The following SEMA5A variants were observed in gnomAD, a reference collection of about 807,000 sequenced individuals.
SEMA5A encodes the protein semaphorin-5A.
A neutral mutation model predicts 135.5 loss-of-function variants in SEMA5A; 55 were observed. The ratio of observed to expected loss-of-function variants is 0.41; its 90% CI spans 0.33 to 0.51. SEMA5A has a LOEUF of 0.51. SEMA5A is among the 20% of genes least tolerant of loss of function. SEMA5A has a pLI of 0.37. For synonymous variants in SEMA5A, 580 were observed against 546.5 expected, an observed-to-expected ratio of 1.06 and a Z score of -0.85; for missense variants, 1,290 against 1,419.9, an observed-to-expected ratio of 0.91 and a Z score of 1.47.
chr5:9,108,027 G>A (rs1740015447), intron 16 of SEMA5A, 113 bp downstream of exon 16: 3 of 1,340,796 alleles, frequency 2.2e-6, no homozygotes, highest in South Asian at 2.9e-5. Flanking sequence ...TCTAGTGTGT[G>A]CAGAACATTT....
In SEMA5A at chr5:9,182,688, T is replaced by C. The variant is rs1744587208; in HGVS notation, c.1273+7579A>G. ...GCTTTGACCCCAGCCTACTCTTCCT[T>C]ACTCAGTTACAATGCAATGACATCT... On this transcript the variant is annotated intron_variant, in intron 11 of 22. Transcript: ENST00000382496. Among the ~76,000 whole-genome samples the C allele has an allele frequency of 1.3e-5, 2 of 151,438 alleles. 1 individual carries two copies. The highest frequency in any genetic ancestry group is 4.2e-4 in the South Asian group (2 of 4,756).
intron 3 of SEMA5A, among the ~76,000 whole-genome samples, chr5:9,366,237 C>T (rs1227048546): frequency 2.0e-5 from 3 of 152,032 alleles, no homozygotes; most frequent in Non-Finnish European, 4.4e-5. Flanking sequence ...CTTTATATGG[C>T]AATTAATTGT....
intron 1 of SEMA5A, among the ~76,000 whole-genome samples, chr5:9,531,013 C>G (rs1272814277): frequency 6.6e-6 from 1 of 152,176 alleles, no homozygotes; most frequent in Non-Finnish European, 1.5e-5. Flanking sequence ...GCCTCCTCTT[C>G]CTTATCCTGA....
At position 9,235,542 on chromosome 5, in the gene SEMA5A, C is replaced by T. The variant is rs74412126; in HGVS notation, c.333+2286G>A. On this transcript the variant is annotated intron_variant, in intron 6 of 22. Coordinates refer to ENST00000382496, the MANE Select transcript of SEMA5A (RefSeq NM_003966.3). ...AGTCATTCAGTGGAACATCTTTAAA[C>T]GCTCACCGTGGGCTGGGAGTGTTAA... Among the ~76,000 whole-genome samples, 340 of 150,300 alleles carry T rather than the reference C, an allele frequency of 2.3e-3. 11 individuals are homozygous for T. In the East Asian group the frequency reaches 0.054, roughly 24 times the overall value.
At chr5:9,391,728 G>A (rs1400337785) in intron 2 of SEMA5A, among the ~76,000 whole-genome samples, 1 of 152,114 alleles carries the variant, frequency 6.6e-6, no homozygotes, top group African/African-American at 2.4e-5. Context: ...ATTCTAATGT[G>A]CCTTGGTGTT....
rs578111574 is a variant in SEMA5A, at chr5:9,239,741, G to A, written c.271-1851C>T. Among the ~76,000 whole-genome samples the A allele has an allele frequency of 2.8e-4, 43 of 152,048 alleles. 1 individual carries two copies. The highest frequency in any genetic ancestry group is 1.0e-3 in the African/African-American group (42 of 41,538). On this transcript the variant is annotated intron_variant, in intron 5 of 22. Coordinates refer to ENST00000382496, the MANE Select transcript of SEMA5A (RefSeq NM_003966.3). ...AGGTTTCAGTATTACATATCACCAA[G>A]AGGAACTGGTGTTACACAATTACTA...
intron 2 of SEMA5A, among the ~76,000 whole-genome samples, chr5:9,397,486 C>T (rs1045629277): frequency 6.6e-6 from 1 of 152,166 alleles, no homozygotes; most frequent in African/African-American, 2.4e-5. Context: ...GCCAGGTCCA[C>T]TGCAAGTACT....
intron 1 of SEMA5A, among the ~76,000 whole-genome samples, chr5:9,482,602 C>T (rs2126781969): frequency 6.6e-6 from 1 of 152,258 alleles, no homozygotes; most frequent in African/African-American, 2.4e-5. Flanking sequence ...CGGAAGAAGC[C>T]CTTACCTGTG....
chr5:9,181,409 A>G (rs2150327532), intron 11 of SEMA5A, among the ~76,000 whole-genome samples: 1 of 152,304 alleles, frequency 6.6e-6, no homozygotes, highest in Non-Finnish European at 1.5e-5. Flanking sequence ...ACTAAACAGC[A>G]TGGACTTCAG....
At chr5:9,314,617 T>C (rs1752311260) in intron 5 of SEMA5A, among the ~76,000 whole-genome samples, 1 of 152,008 alleles carries the variant, frequency 6.6e-6, no homozygotes. Flanking sequence ...TTCCTTTCTG[T>C]TATACTTGGG....
chr5:9,094,253 A>C (rs1426299085), intron 16 of SEMA5A, among the ~76,000 whole-genome samples: 1 of 152,200 alleles, frequency 6.6e-6, no homozygotes, highest in African/African-American at 2.4e-5. Context: ...ATAGTACCAC[A>C]GACATGAATC....
intron 3 of SEMA5A, among the ~76,000 whole-genome samples, chr5:9,359,401 T>C (rs927055060): frequency 7.2e-5 from 11 of 152,244 alleles, no homozygotes; most frequent in African/African-American, 2.7e-4. Flanking sequence ...TTGTGAGGCA[T>C]TGTTGAACTT....
At chr5:9,341,821 G>T (rs1356492815) in intron 3 of SEMA5A, among the ~76,000 whole-genome samples, 1 of 151,404 alleles carries the variant, frequency 6.6e-6, no homozygotes, top group African/African-American at 2.4e-5. Context: ...GTTGAAATAT[G>T]GTCTCCAGCA....
chr5:9,346,711 G>A (rs532224271), intron 3 of SEMA5A, among the ~76,000 whole-genome samples: 6 of 152,286 alleles, frequency 3.9e-5, no homozygotes, highest in East Asian at 1.9e-4. Context: ...TGGTTCCAGC[G>A]TGTGTGCACT....
intron 3 of SEMA5A, among the ~76,000 whole-genome samples, chr5:9,351,608 G>A (rs1337810789): frequency 6.6e-6 from 1 of 151,988 alleles, no homozygotes; most frequent in Non-Finnish European, 1.5e-5. Flanking sequence ...ATTTTATTGA[G>A]CAATTAACAC....
chr5:9,463,518 G>C (rs1759137093), intron 1 of SEMA5A, among the ~76,000 whole-genome samples: 1 of 152,030 alleles, frequency 6.6e-6, no homozygotes, highest in African/African-American at 2.4e-5. Context: ...TTCTGAGCCT[G>C]AGTAAACATA....
intron 16 of SEMA5A, among the ~76,000 whole-genome samples, chr5:9,075,044 C>T (rs1456838535): frequency 1.3e-5 from 2 of 152,202 alleles, no homozygotes; most frequent in Non-Finnish European, 2.9e-5. Flanking sequence ...GGTTTCTTTC[C>T]ACTACTCTTA....
intron 13 of SEMA5A, among the ~76,000 whole-genome samples, chr5:9,129,959 C>T (rs1741317893): frequency 6.6e-6 from 1 of 152,208 alleles, no homozygotes; most frequent in Admixed American, 6.5e-5. Context: ...CCACTTCATT[C>T]TGTAAAGTAA....
chr5:9,045,000 G>A (rs1328545672), intron 21 of SEMA5A, among the ~76,000 whole-genome samples: 4 of 152,084 alleles, frequency 2.6e-5, no homozygotes, highest in Non-Finnish European at 5.9e-5. Flanking sequence ...GGTCAGGCTA[G>A]TCTCAAACTC....
Sources: allele counts gnomAD v4.1 joint callset (sites outside exome capture counted in the v4.1 genomes callset), GRCh38; gene constraint gnomAD v4.1.1; transcripts MANE v1.5; gene names NCBI Gene and HGNC (gene_info 2026-07-23, HGNC 2026-07-21).